ANK3: variants seen among roughly 807,000 people sequenced by gnomAD.
ANK3 encodes the protein ankyrin-3.
Under a neutral mutation model 370.9 loss-of-function variants are expected in ANK3, and 57 were observed. That is an observed-to-expected ratio of 0.15 (90% CI 0.12 to 0.19). The LOEUF (loss-of-function observed/expected upper bound fraction) is 0.19, where lower values mean the gene tolerates loss of function less well. Among genes scored for constraint, ANK3 ranks in the 10% least tolerant of loss-of-function variants. ANK3 has a pLI of 1.00. For missense variants in ANK3, 4,439 were observed against 5,302.1 expected, an observed-to-expected ratio of 0.84 and a Z score of 5.06; for synonymous variants, 1,929 against 1,946.3, an observed-to-expected ratio of 0.99 and a Z score of 0.23.
At chr10:60,566,385 T>A (rs1221380187) in intron 2 of ANK3, among the ~76,000 whole-genome samples, 1 of 152,176 alleles carries the variant, frequency 6.6e-6, no homozygotes, top group African/African-American at 2.4e-5. Context: ...TGATTAAGCT[T>A]AGTGAGGAAG....
At chr10:60,095,285 A>G (rs2089870308) in intron 28 of ANK3, among the ~76,000 whole-genome samples, 1 of 152,212 alleles carries the variant, frequency 6.6e-6, no homozygotes, top group Non-Finnish European at 1.5e-5. Context: ...AATCAATGAG[A>G]CTCAGACACT....
intron 2 of ANK3, among the ~76,000 whole-genome samples, chr10:60,499,563 G>C (rs926378502): frequency 2.0e-5 from 3 of 152,156 alleles, no homozygotes; most frequent in African/African-American, 4.8e-5. Context: ...AAATGTGAGA[G>C]ATACGGAAAG....
At chr10:60,158,816 CA>C (rs949102648) in intron 23 of ANK3, among the ~76,000 whole-genome samples, 1 of 151,518 alleles carries the variant, frequency 6.6e-6, no homozygotes, top group Non-Finnish European at 1.5e-5. Flanking sequence ...GCTGGGACTA[CA>C]GATGCATGCC....
chr10:60,334,373 T>TC (rs1335629753), intron 1 of ANK3, among the ~76,000 whole-genome samples: 3 of 151,964 alleles, frequency 2.0e-5, no homozygotes, highest in Admixed American at 1.3e-4. Context: ...AATCCTCCCT[T>TC]CCCCCCGCAC....
At chr10:60,183,588 G>A (rs1462855067) in intron 17 of ANK3, among the ~76,000 whole-genome samples, 2 of 152,180 alleles carry the variant, frequency 1.3e-5, no homozygotes, top group African/African-American at 4.8e-5. Context: ...GCCGGGCACA[G>A]TGGCTCACGT....
At chr10:60,276,451 C>G (rs2098090759) in intron 4 of ANK3, among the ~76,000 whole-genome samples, 1 of 152,192 alleles carries the variant, frequency 6.6e-6, no homozygotes, top group African/African-American at 2.4e-5. Context: ...CATCTCATTA[C>G]TTATTCCATC....
At chr10:60,246,111 C>G (rs2097547707) in intron 7 of ANK3, among the ~76,000 whole-genome samples, 1 of 152,072 alleles carries the variant, frequency 6.6e-6, no homozygotes, top group Middle Eastern at 3.4e-3. Flanking sequence ...GAAAAATTAG[C>G]CAGGCATGGT....
intron 1 of ANK3, among the ~76,000 whole-genome samples, chr10:60,677,659 C>T (rs1484089081): frequency 2.0e-5 from 3 of 151,694 alleles, no homozygotes; most frequent in Non-Finnish European, 4.4e-5. Flanking sequence ...TATTTATGAA[C>T]GATAAAAGCA....
Position 60,063,104 on chromosome 10 carries a change from C to A in ANK3, c.12595+7G>T, listed in dbSNP as rs755265496. 64 of 1,605,488 alleles carry A rather than the reference C, an allele frequency of 4.0e-5. No homozygotes were observed. The highest frequency in any genetic ancestry group is 5.4e-5 in the Non-Finnish European group (63 of 1,177,550). On this transcript the variant is annotated splice_region_variant and intron_variant, in intron 40 of 43. Coordinates refer to ENST00000280772, the MANE Select transcript of ANK3 (RefSeq NM_020987.5). ...ATTAAATAAATATGAACACTAAATT[C>A]GATTACCATCAACAGGGTCATGGAA...
In ANK3 at chr10:60,523,487, G is replaced by A. The variant is rs543606311; in HGVS notation, c.96+91699C>T. ...TTCCCACCTATGAGTGAGAACATGC[G>A]GTGTTTGGTTTTTTTGTCCTTGCGA... is the stretch of plus-strand genomic sequence containing the variant. On this transcript the variant is annotated intron_variant, in intron 2 of 43. Transcript: ENST00000373827. 1.8e-3 allele frequency among the ~76,000 whole-genome samples: 273 copies of A among 147,824 alleles called. 1 individual carries two copies. The highest frequency in any genetic ancestry group is 2.4e-3 in the Non-Finnish European group (165 of 67,512).
At chr10:60,240,277 C>T (rs1156673332) in intron 7 of ANK3, among the ~76,000 whole-genome samples, 2 of 98,372 alleles carry the variant, frequency 2.0e-5, no homozygotes, top group African/African-American at 7.9e-5. Flanking sequence ...TATATACACA[C>T]ACACATATAT....
intron 7 of ANK3, among the ~76,000 whole-genome samples, chr10:60,250,621 T>A (rs2097647651): frequency 6.6e-6 from 1 of 152,170 alleles, no homozygotes; most frequent in Non-Finnish European, 1.5e-5. Flanking sequence ...CTCCTTGGCC[T>A]CCCAAAGTTC....
intron 1 of ANK3, among the ~76,000 whole-genome samples, chr10:60,379,184 T>A (rs1452258730): frequency 6.6e-6 from 1 of 151,930 alleles, no homozygotes; most frequent in Non-Finnish European, 1.5e-5. Context: ...ATTGCTATTA[T>A]CAAAAAGACA....
intron 1 of ANK3, among the ~76,000 whole-genome samples, chr10:60,319,782 T>C (rs772829769): frequency 6.6e-5 from 10 of 152,234 alleles, no homozygotes; most frequent in African/African-American, 2.4e-4. Context: ...AGTTACAGTA[T>C]ATTGATTGGC....
chr10:60,389,570 A>G lies in ANK3; in HGVS notation c.-32T>C, dbSNP rs1470186260. 6.2e-7 allele frequency: 1 copy of G among 1,609,516 alleles called. No individual in the cohort carries two copies. The highest frequency in any genetic ancestry group is 8.5e-7 in the Non-Finnish European group (1 of 1,178,776). ...TTTAAAAAGATCCTCTCAAGCACAC[A>G]CGGCTTCCTTGTAAAAGGTGATATC... On this transcript the variant is annotated 5_prime_UTR_variant, in exon 1 of 44. Coordinates refer to ENST00000280772, the MANE Select transcript of ANK3 (RefSeq NM_020987.5).
intron 1 of ANK3, among the ~76,000 whole-genome samples, chr10:60,672,398 C>T (rs1589005383): frequency 6.6e-6 from 1 of 152,158 alleles, no homozygotes; most frequent in South Asian, 2.1e-4. Flanking sequence ...CTATCCCATC[C>T]TCTGGGAAGA....
chr10:60,562,172 T>C (rs909910490), intron 2 of ANK3, among the ~76,000 whole-genome samples: 1 of 152,220 alleles, frequency 6.6e-6, no homozygotes, highest in Non-Finnish European at 1.5e-5. Flanking sequence ...ATGGAATATA[T>C]AACTTAAAAG....
chr10:60,282,273 A>C (rs570555178), intron 1 of ANK3, among the ~76,000 whole-genome samples: 2 of 152,342 alleles, frequency 1.3e-5, no homozygotes, highest in African/African-American at 4.8e-5. Flanking sequence ...TAGAGGTATT[A>C]TAATTCAAGA....
At chr10:60,114,396 T>C (rs1283614130) in intron 25 of ANK3, 65 bp from the exon 26 acceptor site, 11 of 789,876 alleles carry the variant, frequency 1.4e-5, no homozygotes, top group Non-Finnish European at 1.4e-5. Context: ...TCTCTACACA[T>C]ATAAAATATA....
Sources: gnomAD v4.1 joint callset for allele counts (sites outside exome capture counted in the v4.1 genomes callset) on GRCh38, gnomAD v4.1.1 for gene constraint, MANE v1.5 for transcripts, NCBI Gene and HGNC (gene_info 2026-07-23, HGNC 2026-07-21) for gene names.